Variants in ASB10 observed in about 807,000 individuals in gnomAD.
ASB10 encodes the protein ankyrin repeat and SOCS box containing 10.
A neutral mutation model predicts 35.4 loss-of-function variants in ASB10; 44 were observed. The observed-to-expected ratio is 1.24, with a 90% CI of 0.98 to 1.60. ASB10 has a LOEUF of 1.60. Among genes scored for constraint, ASB10 ranks in the 40% most tolerant of loss-of-function variants. The pLI, the probability that ASB10 is intolerant of heterozygous loss-of-function variation, is 0.00. For synonymous variants in ASB10, 294 were observed against 280.4 expected, an observed-to-expected ratio of 1.05 and a Z score of -0.49; for missense variants, 647 against 634.3, an observed-to-expected ratio of 1.02 and a Z score of -0.22.
chr7:151,186,413 C>G lies in ASB10; in HGVS notation c.563G>C (p.Cys188Ser). The G allele has an allele frequency of 6.3e-7, 1 of 1,587,214 alleles. No homozygotes were observed. Among genetic ancestry groups the G allele is most frequent in the South Asian group, 1.1e-5 (1 of 87,104 alleles). ...DQDGKRPLHL[C>S]RGPGTLECAE... ...TCACTCAAGGGTGCCAGGCCCCCGG[C>G]AGAGATGCAGGGGGCGTTTCCCATC... Residue 188 changes from cysteine (C) to serine (S), a missense_variant, in exon 2 of 6, where the codon TGC (cysteine) becomes TCC (serine). Coordinates refer to ENST00000420175, the MANE Select transcript of ASB10 (RefSeq NM_001142459.2).
At chr7:151,179,732 T>A (rs1431826290) in intron 3 of ASB10, among the ~76,000 whole-genome samples, 1 of 152,160 alleles carries the variant, frequency 6.6e-6, no homozygotes, top group Non-Finnish European at 1.5e-5. Flanking sequence ...AGAGACAGGC[T>A]GAGAGGTGGA....
At chr7:151,180,066 G>A (rs1434575588) in intron 3 of ASB10, among the ~76,000 whole-genome samples, 1 of 152,208 alleles carries the variant, frequency 6.6e-6, no homozygotes, top group African/African-American at 2.4e-5. Flanking sequence ...GCAAGGCTGG[G>A]TGGGACAACA....
Position 151,181,463 on chromosome 7 carries a change from T to G in ASB10, c.585-5A>C. On this transcript the variant is annotated splice_region_variant and splice_polypyrimidine_tract_variant and intron_variant, in intron 2 of 5. Transcript: ENST00000420175. ...CTGAGGAGCAGCTCCGCACACCTATTGGGGGGAGACGGTGGTGGGGAGGAA... is the reference window on the plus strand; with the variant it reads ...CTGAGGAGCAGCTCCGCACACCTATGGGGGGGAGACGGTGGTGGGGAGGAA... 1 of 1,574,318 alleles carries G rather than the reference T, an allele frequency of 6.4e-7. No individual in the cohort carries two copies. Among genetic ancestry groups the G allele is most frequent in the Non-Finnish European group, 8.7e-7 (1 of 1,154,942 alleles).
rs961559674 is a variant in ASB10 at position 151,177,645 on chromosome 7, G to A, written c.1105-969C>T. Among the ~76,000 whole-genome samples the A allele has an allele frequency of 3.9e-5, 6 of 152,338 alleles. No individual in the cohort carries two copies. In the South Asian group the frequency reaches 1.2e-3, roughly 32 times the overall value. On this transcript the variant is annotated intron_variant, in intron 3 of 5. Coordinates refer to ENST00000420175, the MANE Select transcript of ASB10 (RefSeq NM_001142459.2). ...GGGGGACTCACAGAGGGAGGACTGGGCTCTGGAGGCAAGGGAACCCCAGAG... is the reference window on the plus strand; with the variant it reads ...GGGGGACTCACAGAGGGAGGACTGGACTCTGGAGGCAAGGGAACCCCAGAG...
At position 151,176,366 on chromosome 7, in the gene ASB10, G is replaced by A. The variant is rs764867865; in HGVS notation, c.1219-69C>T. On this transcript the variant is annotated intron_variant, in intron 4 of 5. Coordinates refer to ENST00000420175, the MANE Select transcript of ASB10 (RefSeq NM_001142459.2). Reference sequence around the variant, plus strand: ...GGTAGCACCGGCTCCTCCTCACAGGGTAGGCTGGTGAGGGGTGGGGCATCT... The same window carrying A: ...GGTAGCACCGGCTCCTCCTCACAGGATAGGCTGGTGAGGGGTGGGGCATCT... 1.3e-5 allele frequency: 20 copies of A among 1,501,162 alleles called. No homozygotes were observed. The Admixed American group carries it at 2.1e-4, about 16-fold the overall frequency. 93.0% of individuals were successfully genotyped at this position (1,501,162 alleles called of 1,614,324 possible). A position where few individuals can be genotyped will look rare whatever the true frequency, so the allele number is the denominator to read the frequency against.
intron 3 of ASB10, among the ~76,000 whole-genome samples, chr7:151,178,104 C>T (rs746122383): frequency 2.0e-4 from 31 of 152,296 alleles, no homozygotes; most frequent in Non-Finnish European, 3.8e-4. Flanking sequence ...AAAAATTAGC[C>T]GGGCGGTAGT....
intron 2 of ASB10, 84 bp downstream of exon 2, chr7:151,186,308 T>C (rs1801587779): frequency 1.4e-6 from 2 of 1,466,194 alleles, no homozygotes; most frequent in Non-Finnish European, 1.8e-6. Context: ...CCCAGGTCCC[T>C]GACATTTTCC....
chr7:151,187,327 G>C, upstream of ASB10: 5 of 1,518,562 alleles, frequency 3.3e-6, no homozygotes, highest in South Asian at 5.1e-5. The surrounding 1 kb of genome is among the most constrained non-coding windows in gnomAD (Gnocchi z 5.3). Flanking sequence ...TAGGCTATTG[G>C]GCAAGCTTTG....
At chr7:151,185,298 T>C (rs1801569206) in intron 2 of ASB10, among the ~76,000 whole-genome samples, 1 of 151,814 alleles carries the variant, frequency 6.6e-6, no homozygotes, top group Admixed American at 6.6e-5. Context: ...TTTGTATTTT[T>C]AGTAGAGACA....
At chr7:151,176,083 T>A in intron 5 of ASB10, 29 bp downstream of exon 5, 3 of 1,606,324 alleles carry the variant, frequency 1.9e-6, no homozygotes, top group Non-Finnish European at 2.5e-6. Context: ...CCCAAGCAGC[T>A]GTGACTGCTC....
At chr7:151,180,103 CCTA>C (rs1801457280) in intron 3 of ASB10, among the ~76,000 whole-genome samples, 1 of 152,134 alleles carries the variant, frequency 6.6e-6, no homozygotes, top group Non-Finnish European at 1.5e-5. Flanking sequence ...AGGGGAACTG[CCTA>C]CTCAGAGGGT....
chr7:151,187,410 G>A (rs1260332398), upstream of ASB10: 3 of 1,550,442 alleles, frequency 1.9e-6, no homozygotes, highest in South Asian at 3.6e-5. The surrounding 1 kb of genome is among the most constrained non-coding windows in gnomAD (Gnocchi z 5.3). Context: ...GAGGCAGTCA[G>A]CCCAGCCCCC....
At position 151,187,000 on chromosome 7, in the gene ASB10, C is replaced by T. The variant is rs1001220258; in HGVS notation, c.131G>A (p.Gly44Glu). The T allele has an allele frequency of 1.5e-5, 24 of 1,611,044 alleles. No homozygotes were observed. Among genetic ancestry groups the T allele is most frequent in the Non-Finnish European group, 2.0e-5 (23 of 1,178,028 alleles). Reference protein sequence around the residue: ...GSEEHLKSGPGPIVTRTASGP... With the variant: ...GSEEHLKSGPEPIVTRTASGP... ...TGAGGCTGTGCGGGTGACGATGGGTCCCGGGCCAGACTTGAGGTGCTCCTC... is the reference window on the plus strand; with the variant it reads ...TGAGGCTGTGCGGGTGACGATGGGTTCCGGGCCAGACTTGAGGTGCTCCTC... Residue 44 changes from glycine (G) to glutamate (E), a missense_variant, in exon 1 of 6, where the codon GGA becomes GAA. Transcript: ENST00000420175.
rs1325696001 is a variant in ASB10 at position 151,176,096 on chromosome 7, A to G, written c.*16T>C. 1 of 1,609,438 alleles carries G rather than the reference A, an allele frequency of 6.2e-7. No homozygotes were observed. Among genetic ancestry groups the G allele is most frequent in the Admixed American group, 1.7e-5 (1 of 59,850 alleles). On this transcript the variant is annotated intron_variant, in intron 5 of 5. Transcript: ENST00000420175. ...ACCCCAAGCAGCTGTGACTGCTCACAGATCCCGGGGCTCACCTAGTAGAGC... is the reference window on the plus strand; with the variant it reads ...ACCCCAAGCAGCTGTGACTGCTCACGGATCCCGGGGCTCACCTAGTAGAGC...
At chr7:151,180,840 T>C in intron 3 of ASB10, 99 bp downstream of exon 3, 1 of 1,413,042 alleles carries the variant, frequency 7.1e-7, no homozygotes, top group Non-Finnish European at 9.2e-7. Context: ...GGAACCAATC[T>C]ATGTGCACAG....
At chr7:151,187,755 T>G, upstream of ASB10, 1 of 1,450,394 alleles carries the variant, frequency 6.9e-7, no homozygotes, top group Non-Finnish European at 9.1e-7. This position sits in a 1 kb window ranked among gnomAD's most constrained non-coding sequence, Gnocchi z 5.3. Context: ...GCAGCACGAC[T>G]CCCAGCGATG....
chr7:151,184,311 G>A (rs1025641243), intron 2 of ASB10, among the ~76,000 whole-genome samples: 18 of 152,060 alleles, frequency 1.2e-4, no homozygotes, highest in African/African-American at 4.1e-4. Context: ...TACTCGGGAG[G>A]CTGAGGCGGG....
Position 151,186,660 on chromosome 7 carries a change from C to G in ASB10, c.317-1G>C, listed in dbSNP as rs1294434776. On this transcript the variant is annotated splice_acceptor_variant, in intron 1 of 5. Coordinates refer to ENST00000420175, the MANE Select transcript of ASB10 (RefSeq NM_001142459.2). LOFTEE classifies it high-confidence loss of function. ...TCTTCGTATGTCAGAGACCAGAGTC[C>G]TAGGGAGGGGAGACGTGGGCCTCAG... 6.2e-7 allele frequency: 1 copy of G among 1,601,830 alleles called. No homozygotes were observed. Among genetic ancestry groups the G allele is most frequent in the South Asian group, 1.1e-5 (1 of 90,202 alleles).
chr7:151,186,077 T>C (rs1044505030), intron 2 of ASB10, among the ~76,000 whole-genome samples: 2 of 152,020 alleles, frequency 1.3e-5, no homozygotes, highest in Non-Finnish European at 2.9e-5. Flanking sequence ...GCTCAGAAAG[T>C]GTTTTCAAAA....
Sources: allele counts gnomAD v4.1 joint callset (sites outside exome capture counted in the v4.1 genomes callset), GRCh38; gene constraint gnomAD v4.1.1; non-coding constraint Gnocchi (gnomAD v3.1); transcripts MANE v1.5; gene names NCBI Gene and HGNC (gene_info 2026-07-23, HGNC 2026-07-21).